The following DNAH11 variants were observed in gnomAD, a reference collection of about 807,000 sequenced individuals.
The protein encoded by DNAH11 is dynein axonemal heavy chain 11.
Under a neutral mutation model 526.0 loss-of-function variants are expected in DNAH11, and 442 were observed. The observed-to-expected ratio is 0.84, with a 90% CI of 0.78 to 0.91. DNAH11 has a LOEUF of 0.91. Ranked by LOEUF, DNAH11 falls within the 40% of genes least tolerant of loss-of-function variation. The pLI is 0.00. For missense variants in DNAH11, 6,989 were observed against 5,448.7 expected (o/e 1.28, Z -8.90); for synonymous variants, 2,461 against 1,935.9 (o/e 1.27, Z -7.12).
chr7:21,816,807 A>G lies in DNAH11; in HGVS notation c.10568+105A>G, dbSNP rs556299751. On this transcript the variant is annotated intron_variant, in intron 64 of 81. Coordinates refer to ENST00000409508, the MANE Select transcript of DNAH11 (RefSeq NM_001277115.2). ...TTAGACCTCTCCACCACATTGATGT[A>G]TTACAATTTGGTGCTATTTGTTTAT... The G allele has an allele frequency of 1.0e-5, 9 of 883,596 alleles. No individual in the cohort carries two copies. The South Asian group carries it at 1.2e-4, about 12-fold the overall frequency. 54.7% of individuals were successfully genotyped at this position (883,596 alleles called of 1,614,324 possible).
At chr7:21,722,511 T>C (rs1784918345) in intron 44 of DNAH11, among the ~76,000 whole-genome samples, 1 of 152,192 alleles carries the variant, frequency 6.6e-6, no homozygotes, top group Non-Finnish European at 1.5e-5. Context: ...AATAAATGGT[T>C]GATATAATCT....
At chr7:21,861,284 A>T (rs1470572590) in intron 68 of DNAH11, among the ~76,000 whole-genome samples, 1 of 152,216 alleles carries the variant, frequency 6.6e-6, no homozygotes, top group Non-Finnish European at 1.5e-5. Flanking sequence ...GTTAGTATGG[A>T]CTGCCGCATG....
chr7:21,634,221 G>A (rs111429520), intron 25 of DNAH11, among the ~76,000 whole-genome samples: 9 of 152,334 alleles, frequency 5.9e-5, no homozygotes, highest in African/African-American at 2.2e-4. Context: ...GCTCAACACA[G>A]AGGTTCAGCC....
At chr7:21,570,364 C>A in intron 7 of DNAH11, 65 bp downstream of exon 7, 1 of 1,291,298 alleles carries the variant, frequency 7.7e-7, no homozygotes, top group Non-Finnish European at 1.1e-6. Context: ...TAGCTTTTCA[C>A]ATGATTCATG....
intron 14 of DNAH11, among the ~76,000 whole-genome samples, chr7:21,599,448 A>G (rs991993589): frequency 6.6e-6 from 1 of 152,234 alleles, no homozygotes; most frequent in South Asian, 2.1e-4. Context: ...GTCTAAGGAC[A>G]CAGAGTTAGT....
At chr7:21,749,948 G>A in intron 53 of DNAH11, 147 bp downstream of exon 53, 1 of 1,295,348 alleles carries the variant, frequency 7.7e-7, no homozygotes, top group Non-Finnish European at 1.1e-6. Context: ...CTAATTTGAG[G>A]TGTATTGCTT....
chr7:21,785,590 T>C (rs1397881454), intron 58 of DNAH11, among the ~76,000 whole-genome samples: 2 of 152,204 alleles, frequency 1.3e-5, no homozygotes, highest in Non-Finnish European at 2.9e-5. Flanking sequence ...CTCTGAGTAA[T>C]GGAATATTTA....
chr7:21,674,046 G>A (rs999063439), intron 30 of DNAH11, among the ~76,000 whole-genome samples: 7 of 151,476 alleles, frequency 4.6e-5, no homozygotes, highest in Non-Finnish European at 1.0e-4. Flanking sequence ...GTGTGTGTGT[G>A]TGTGTGTGTG....
rs763870754 is a variant in DNAH11 at position 21,880,823 on chromosome 7, A to T, written c.12317A>T (p.Tyr4106Phe). 45 of 1,613,832 alleles carry T rather than the reference A, an allele frequency of 2.8e-5. No homozygotes were observed. The South Asian group carries it at 4.4e-4, about 16-fold the overall frequency. Residue 4106 changes from tyrosine (Y) to phenylalanine (F), a missense_variant, in exon 75 of 82, where the codon TAT (tyrosine) becomes TTT (phenylalanine). Tyr to Phe is a conservative substitution (Grantham distance 22). Coordinates refer to ENST00000409508, the MANE Select transcript of DNAH11 (RefSeq NM_001277115.2). ...RFGPQGWSRS[Y>F]PFNPGDLTIC... is the part of the protein sequence containing the mutation. The stretch of plus-strand genomic sequence containing the variant: ...GGCCCCCAGGGCTGGAGCCGAAGCT[A>T]TCCTTTTAATCCTGGAGACCTCACC...
At chr7:21,655,591 C>G (rs1452679355) in intron 28 of DNAH11, among the ~76,000 whole-genome samples, 1 of 152,114 alleles carries the variant, frequency 6.6e-6, no homozygotes, top group East Asian at 1.9e-4. Flanking sequence ...AAATAGGTCA[C>G]TTTTCATGGT....
At chr7:21,631,146 C>G (rs1032727386) in intron 25 of DNAH11, among the ~76,000 whole-genome samples, 1 of 152,172 alleles carries the variant, frequency 6.6e-6, no homozygotes, top group Admixed American at 6.5e-5. Flanking sequence ...CAGGCAATCT[C>G]CCCTTTCTAA....
At chr7:21,662,309 T>C (rs1017075964) in intron 30 of DNAH11, among the ~76,000 whole-genome samples, 1 of 152,142 alleles carries the variant, frequency 6.6e-6, no homozygotes. Context: ...TTTTGTAACA[T>C]GTGTGCCTAC....
At chr7:21,595,559 T>A (rs1169317624) in intron 14 of DNAH11, among the ~76,000 whole-genome samples, 1 of 152,046 alleles carries the variant, frequency 6.6e-6, no homozygotes, top group Non-Finnish European at 1.5e-5. Flanking sequence ...CATGATCAAC[T>A]GGAAAGGTGA....
rs112178988 is a variant in DNAH11, at chr7:21,815,430, A to G, written c.10333-1037A>G. On this transcript the variant is annotated intron_variant, in intron 63 of 81. Coordinates refer to ENST00000409508, the MANE Select transcript of DNAH11 (RefSeq NM_001277115.2). ...CATTGTAGTCAGAGGCAGTAAGAAT[A>G]TTGTGCTACTTTTCCTATATTCGTA... Among the ~76,000 whole-genome samples, 291 of 152,302 alleles carry G rather than the reference A, an allele frequency of 1.9e-3. 1 individual carries two copies. Among genetic ancestry groups the G allele is most frequent in the African/African-American group, 6.7e-3 (279 of 41,566 alleles).
At chr7:21,626,532 C>G (rs761341081) in intron 25 of DNAH11, among the ~76,000 whole-genome samples, 26 of 152,114 alleles carry the variant, frequency 1.7e-4, no homozygotes, top group Non-Finnish European at 3.7e-4. Context: ...GTACTGTTCT[C>G]CATAGTGACT....
intron 68 of DNAH11, among the ~76,000 whole-genome samples, chr7:21,857,234 G>A (rs1782886780): frequency 6.6e-6 from 1 of 152,258 alleles, no homozygotes; most frequent in African/African-American, 2.4e-5. Flanking sequence ...CCAAAGCCGT[G>A]AAGCTTTTTA....
intron 74 of DNAH11, among the ~76,000 whole-genome samples, chr7:21,875,396 C>T (rs1326396523): frequency 6.6e-6 from 1 of 152,004 alleles, no homozygotes; most frequent in African/African-American, 2.4e-5. Flanking sequence ...CCCAATTATC[C>T]TTCAGCTTTT....
chr7:21,752,314 C>T (rs368681164), intron 54 of DNAH11, among the ~76,000 whole-genome samples: 5 of 152,338 alleles, frequency 3.3e-5, no homozygotes, highest in African/African-American at 1.2e-4. Flanking sequence ...TTCTTACTTA[C>T]AGGTGACATC....
intron 73 of DNAH11, 51 bp from the exon 74 acceptor site, chr7:21,873,223 C>A: frequency 3.6e-6 from 5 of 1,380,488 alleles, no homozygotes; most frequent in South Asian, 2.6e-5. Context: ...TCTTATAATT[C>A]AAGTAATATG....
Sources: allele counts gnomAD v4.1 joint callset (sites outside exome capture counted in the v4.1 genomes callset), GRCh38; gene constraint gnomAD v4.1.1; transcripts MANE v1.5; gene names NCBI Gene and HGNC (gene_info 2026-07-23, HGNC 2026-07-21).